The following CMTM6 variants were observed in gnomAD, a reference collection of about 807,000 sequenced individuals.
The protein encoded by CMTM6 is CKLF like MARVEL transmembrane domain containing 6.
A neutral mutation model predicts 13.6 loss-of-function variants in CMTM6; 5 were observed. The observed-to-expected ratio is 0.37, with a 90% CI of 0.19 to 0.77. CMTM6 has a LOEUF of 0.77. Ranked by LOEUF, CMTM6 falls within the 30% of genes least tolerant of loss-of-function variation. The pLI is 0.50. For missense variants in CMTM6, 196 were observed against 218.6 expected (o/e 0.90, Z 0.65); for synonymous variants, 99 against 84.5 (o/e 1.17, Z -0.94).
chr3:32,485,722 CTA>C (rs1474646718), intron 3 of CMTM6, among the ~76,000 whole-genome samples: 4 of 152,054 alleles, frequency 2.6e-5, no homozygotes, highest in Admixed American at 1.3e-4. Context: ...AATTTTATTT[CTA>C]TGTTTTGTTT....
intron 1 of CMTM6, among the ~76,000 whole-genome samples, chr3:32,495,412 G>A (rs925032803): frequency 6.6e-6 from 1 of 152,158 alleles, no homozygotes; most frequent in Non-Finnish European, 1.5e-5. Context: ...TACAGGATGA[G>A]TTCTAACATG....
chr3:32,500,809 T>G (rs995254381), intron 1 of CMTM6, among the ~76,000 whole-genome samples: 1 of 152,212 alleles, frequency 6.6e-6, no homozygotes, highest in Non-Finnish European at 1.5e-5. Flanking sequence ...GCTTTGCCAC[T>G]TTTTATTAGA....
chr3:32,499,195 G>A (rs1284310981), intron 1 of CMTM6, among the ~76,000 whole-genome samples: 1 of 152,014 alleles, frequency 6.6e-6, no homozygotes, highest in Admixed American at 6.6e-5. Context: ...CTGACATTAC[G>A]GGATCTTCCT....
intron 1 of CMTM6, among the ~76,000 whole-genome samples, chr3:32,498,254 A>C (rs1438401970): frequency 2.0e-5 from 3 of 152,230 alleles, no homozygotes; most frequent in African/African-American, 7.2e-5. Context: ...GAATTAAGCT[A>C]CTGACAGGTT....
chr3:32,482,140 A>G lies in CMTM6; in HGVS notation c.*1820T>C, dbSNP rs529663177. The G allele has an allele frequency of 2.0e-5, 3 of 152,320 alleles. No homozygotes were observed. Among genetic ancestry groups the G allele is most frequent in the South Asian group, 2.1e-4 (1 of 4,826 alleles). 9.4% of individuals were successfully genotyped at this position (152,320 alleles called of 1,614,324 possible). On this transcript the variant is annotated 3_prime_UTR_variant, in exon 4 of 4. Transcript: ENST00000205636. Reference sequence around the variant, plus strand: ...AACCCAGCTATTTCTCCTCTCTTAGATGACATGCCCAATAAAAACAGCATC... The same window carrying G: ...AACCCAGCTATTTCTCCTCTCTTAGGTGACATGCCCAATAAAAACAGCATC...
intron 3 of CMTM6, among the ~76,000 whole-genome samples, chr3:32,486,956 G>A (rs1697210630): frequency 6.6e-6 from 1 of 152,136 alleles, no homozygotes; most frequent in Non-Finnish European, 1.5e-5. Flanking sequence ...AATTTCCTGA[G>A]GCCTCCCTTG....
At chr3:32,489,509 G>C (rs913203655) in intron 2 of CMTM6, among the ~76,000 whole-genome samples, 1 of 151,736 alleles carries the variant, frequency 6.6e-6, no homozygotes, top group East Asian at 1.9e-4. Context: ...AAATTAGCTG[G>C]GTGTGGTGGC....
rs985077758 is a variant in CMTM6, at chr3:32,489,291, C to G, written c.316-1255G>C. 3.4e-4 allele frequency among the ~76,000 whole-genome samples: 44 copies of G among 127,964 alleles called. No individual in the cohort carries two copies. In the South Asian group the frequency reaches 0.011, roughly 31 times the overall value. 83.9% of individuals were successfully genotyped at this position (127,964 alleles called of 152,430 possible). The stretch of plus-strand genomic sequence containing the variant: ...TCTCAAAAAAAAAAAAAAAAAAAAT[C>G]AATAAAACTATTTAACACAGAATTC... On this transcript the variant is annotated intron_variant, in intron 2 of 3. Coordinates refer to ENST00000205636, the MANE Select transcript of CMTM6 (RefSeq NM_017801.3).
rs1178697339 is a variant in CMTM6, at chr3:32,481,611, C to A, written c.*2349G>T. 6.6e-6 allele frequency: 1 copy of A among 152,022 alleles called. No individual in the cohort carries two copies. The highest frequency in any genetic ancestry group is 1.5e-5 in the Non-Finnish European group (1 of 67,998). The allele number at this position is 152,022 out of a possible 1,614,324, so 9.4% of individuals were successfully genotyped here. On this transcript the variant is annotated 3_prime_UTR_variant, in exon 4 of 4. Coordinates refer to ENST00000205636, the MANE Select transcript of CMTM6 (RefSeq NM_017801.3). ...TTTAAATTTGAGTTTATTGAATTTG[C>A]CATTTTTTTGTACATAACAGTGGTT...
chr3:32,488,034 A>T lies in CMTM6; in HGVS notation c.318T>A (p.Asp106Glu). ...RVDTTKVKSSDFYITLGTGCV... is the reference protein window; with the variant it reads ...RVDTTKVKSSEFYITLGTGCV... ...ATCCTGTTCCCAAAGTAATATAAAA[A>T]TCCTATGCATACATACAAAACACAA... Residue 106 changes from aspartate (D) to glutamate (E), a missense_variant and splice_region_variant, in exon 3 of 4, where the codon GAT becomes GAA. Around this residue, in one of 2 missense-constraint regions of CMTM6, gnomAD observed 111 missense variants for 160.0 expected, o/e 0.69. Coordinates refer to ENST00000205636, the MANE Select transcript of CMTM6 (RefSeq NM_017801.3). The T allele has an allele frequency of 6.2e-7, 1 of 1,603,088 alleles. No individual in the cohort carries two copies. The highest frequency in any genetic ancestry group is 8.5e-7 in the Non-Finnish European group (1 of 1,170,846).
chr3:32,481,644 C>T lies in CMTM6; in HGVS notation c.*2316G>A, dbSNP rs976384827. The T allele has an allele frequency of 1.3e-5, 2 of 151,976 alleles. No homozygotes were observed. The highest frequency in any genetic ancestry group is 4.8e-5 in the African/African-American group (2 of 41,358). The allele number at this position is 151,976 out of a possible 1,614,324, so 9.4% of individuals were successfully genotyped here. On this transcript the variant is annotated 3_prime_UTR_variant, in exon 4 of 4. Coordinates refer to ENST00000205636, the MANE Select transcript of CMTM6 (RefSeq NM_017801.3). The stretch of plus-strand genomic sequence containing the variant: ...TTGTACATAACAGTGGTTTCTGGTC[C>T]CAAGTTCCCCTTGAACTTATTTACT...
At chr3:32,497,397 A>AG (rs148416367) in intron 1 of CMTM6, among the ~76,000 whole-genome samples, 34,274 of 139,188 alleles carry the variant, frequency 0.25, 4,216 homozygotes, top group African/African-American at 0.28. Context: ...AAAAAAAAAA[A>AG]AAAGAAAGAA....
intron 1 of CMTM6, among the ~76,000 whole-genome samples, chr3:32,501,270 T>C (rs1210490588): frequency 6.6e-6 from 1 of 151,874 alleles, no homozygotes; most frequent in Non-Finnish European, 1.5e-5. Flanking sequence ...AAATTTTAGC[T>C]TTACTGCAGA....
At chr3:32,492,022 C>A (rs533108198) in intron 1 of CMTM6, 136 bp from the exon 2 acceptor site, 33 of 742,500 alleles carry the variant, frequency 4.4e-5, no homozygotes, top group Middle Eastern at 7.7e-4. Flanking sequence ...AATGAATAAA[C>A]CTTATCTACA....
Position 32,496,206 on chromosome 3 carries a change from A to C in CMTM6, c.139-4320T>G, listed in dbSNP as rs370613511. On this transcript the variant is annotated intron_variant, in intron 1 of 3. Transcript: ENST00000205636. ...ACAAAGCGAGACTATCTCAAAAAAA[A>C]AAAAAAAAAAAGTGTGGACATTTAC... Among the ~76,000 whole-genome samples, 209 of 151,974 alleles carry C rather than the reference A, an allele frequency of 1.4e-3. 1 individual carries two copies. The highest frequency in any genetic ancestry group is 4.7e-3 in the African/African-American group (197 of 41,474).
intron 1 of CMTM6, among the ~76,000 whole-genome samples, chr3:32,492,095 C>A (rs1011067328): frequency 2.6e-5 from 4 of 152,140 alleles, no homozygotes; most frequent in African/African-American, 7.2e-5. Context: ...ATTAACCTAT[C>A]GTGTACTAAT....
In CMTM6 at chr3:32,488,039, A is replaced by G. The variant is rs748014378; in HGVS notation, c.316-3T>C. 1.3e-5 allele frequency: 21 copies of G among 1,586,594 alleles called. No homozygotes were observed. The East Asian group carries it at 2.2e-4, about 17-fold the overall frequency. On this transcript the variant is annotated splice_polypyrimidine_tract_variant and splice_region_variant and intron_variant, in intron 2 of 3. Coordinates refer to ENST00000205636, the MANE Select transcript of CMTM6 (RefSeq NM_017801.3). ...GTTCCCAAAGTAATATAAAAATCCT[A>G]TGCATACATACAAAACACAAAAGGA... is the stretch of plus-strand genomic sequence containing the variant.
intron 1 of CMTM6, 86 bp from the exon 2 acceptor site, chr3:32,491,972 C>A (rs1697253666): frequency 1.8e-6 from 2 of 1,121,952 alleles, no homozygotes; most frequent in African/African-American, 1.6e-5. Context: ...AATACGTTTA[C>A]TCAAATATTT....
At chr3:32,501,460 G>C (rs1697344930) in intron 1 of CMTM6, among the ~76,000 whole-genome samples, 1 of 152,146 alleles carries the variant, frequency 6.6e-6, no homozygotes, top group Admixed American at 6.5e-5. Flanking sequence ...CTGGGAGAAA[G>C]ATAAGGCCAG....
Sources: gnomAD v4.1 joint callset for allele counts (sites outside exome capture counted in the v4.1 genomes callset) on GRCh38, gnomAD v4.1.1 for gene constraint, gnomAD v4.1.1 regional missense constraint, MANE v1.5 for transcripts, NCBI Gene and HGNC (gene_info 2026-07-23, HGNC 2026-07-21) for gene names.